SPATA22: variants seen among roughly 807,000 people sequenced by gnomAD.
SPATA22 encodes spermatogenesis associated 22.
SPATA22 carries 29 observed loss-of-function variants against 47.8 expected under a neutral mutation model. The ratio of observed to expected loss-of-function variants is 0.61; its 90% CI spans 0.45 to 0.83. The LOEUF is 0.83. Ranked by LOEUF, SPATA22 falls within the 40% of genes least tolerant of loss-of-function variation. SPATA22 has a pLI of 0.00. For missense variants in SPATA22, 410 were observed against 421.7 expected (o/e 0.97, Z 0.24); for synonymous variants, 133 against 140.9 (o/e 0.94, Z 0.40).
Position 3,485,248 on chromosome 17 carries a change from G to A in SPATA22, c.-73-15850C>T, listed in dbSNP as rs933381751. Among the ~76,000 whole-genome samples, 3 of 152,020 alleles carry A rather than the reference G, an allele frequency of 2.0e-5. No individual in the cohort carries two copies. The highest frequency in any genetic ancestry group is 4.8e-5 in the African/African-American group (2 of 41,390). On this transcript the variant is annotated intron_variant, in intron 1 of 8. Coordinates refer to the SPATA22 transcript ENST00000541913. The surrounding 1 kb of genome is among the most constrained non-coding windows in gnomAD (Gnocchi z 4.4). ...CAGGTCTCAAACTCCTGATTCAAGC[G>A]ATCCTCCCACCTTGGCCTCCCAAAG... is the stretch of plus-strand genomic sequence containing the variant.
At chr17:3,455,135 T>C (rs2072956281) in intron 5 of SPATA22, among the ~76,000 whole-genome samples, 1 of 134,086 alleles carries the variant, frequency 7.5e-6, no homozygotes, top group Non-Finnish European at 1.8e-5. Context: ...TTGCCCACTT[T>C]TTGATGGGGT....
At chr17:3,487,046 G>GTGTGTGTGTGTT (rs2073735480) in intron 1 of SPATA22, among the ~76,000 whole-genome samples, 1 of 147,060 alleles carries the variant, frequency 6.8e-6, no homozygotes, top group Non-Finnish European at 1.5e-5. Flanking sequence ...ATATTTGTGT[G>GTGTGTGTGTGTT]TGTGTGTGTG....
Position 3,464,919 on chromosome 17 carries a change from C to T in SPATA22, c.173-2152G>A, listed in dbSNP as rs541978972. On this transcript the variant is annotated intron_variant, in intron 3 of 8. Coordinates refer to ENST00000572969, the MANE Select transcript of SPATA22 (RefSeq NM_001170698.2). ...GGGGTCAGCCCCCCACCCGGCCAGC[C>T]GCCCGGTCTGGGAGGTGAGGGGCGC... is the stretch of plus-strand genomic sequence containing the variant. Among the ~76,000 whole-genome samples, 318 of 105,668 alleles carry T rather than the reference C, an allele frequency of 3.0e-3. 74 individuals are homozygous for T. The highest frequency in any genetic ancestry group is 0.015 in the Middle Eastern group (3 of 206). The allele number at this position is 105,668 out of a possible 152,430, so 69.3% of individuals were successfully genotyped here. A position where few individuals can be genotyped will look rare whatever the true frequency, so the allele number is the denominator to read the frequency against.
intron 1 of SPATA22, among the ~76,000 whole-genome samples, chr17:3,496,371 C>T (rs2073907335): frequency 6.6e-6 from 1 of 152,104 alleles, no homozygotes; most frequent in African/African-American, 2.4e-5. Flanking sequence ...AATAATATAG[C>T]AGAGGGTATA....
intron 1 of SPATA22, chr17:3,499,608 T>C (rs1461240820): frequency 6.5e-6 from 1 of 152,768 alleles, no homozygotes; most frequent in Non-Finnish European, 1.5e-5. Context: ...ATATCTGCTA[T>C]GGTGATCTGT....
intron 5 of SPATA22, among the ~76,000 whole-genome samples, chr17:3,461,073 G>T (rs2073114971): frequency 6.6e-6 from 1 of 152,142 alleles, no homozygotes; most frequent in African/African-American, 2.4e-5. Flanking sequence ...CATGCCCCAA[G>T]AAAGTATAGA....
chr17:3,486,424 A>G (rs1294541036), intron 1 of SPATA22, among the ~76,000 whole-genome samples: 2 of 152,188 alleles, frequency 1.3e-5, no homozygotes, highest in Admixed American at 6.5e-5. Flanking sequence ...CTCTCTCCAC[A>G]TCCCTCTTAC....
intron 5 of SPATA22, 84 bp from the exon 6 acceptor site, chr17:3,449,233 T>C: frequency 9.9e-7 from 1 of 1,008,468 alleles, no homozygotes; most frequent in Non-Finnish European, 1.4e-6. Flanking sequence ...TTCATTTATA[T>C]GGCAATTTAT....
chr17:3,489,478 A>G (rs1443539605), intron 1 of SPATA22: 7 of 686,334 alleles, frequency 1.0e-5, no homozygotes, highest in East Asian at 2.8e-5. Context: ...CTATTCCCCA[A>G]TGGCCAGGAT....
At chr17:3,512,784 T>C (rs1052008791) in intron 1 of SPATA22, 1 of 151,748 alleles carries the variant, frequency 6.6e-6, no homozygotes, top group Admixed American at 6.6e-5. Context: ...CTCACAAGCT[T>C]CCCCTTCAGC....
chr17:3,452,652 T>C (rs1304283746), intron 5 of SPATA22, among the ~76,000 whole-genome samples: 1 of 151,652 alleles, frequency 6.6e-6, no homozygotes, highest in Admixed American at 6.6e-5. Context: ...CGACAGCCCC[T>C]TACATAGACT....
At chr17:3,460,814 A>AAAAAAAG (rs1555535972) in intron 5 of SPATA22, among the ~76,000 whole-genome samples, 1 of 140,104 alleles carries the variant, frequency 7.1e-6, no homozygotes. Flanking sequence ...AAAAAAAAAA[A>AAAAAAAG]GATTAAAAAT....
chr17:3,443,371 T>A, intron 7 of SPATA22, 100 bp from the exon 8 acceptor site: 1 of 744,880 alleles, frequency 1.3e-6, no homozygotes, highest in Non-Finnish European at 2.2e-6. Context: ...CATATCAACC[T>A]CTCATAGTGC....
chr17:3,476,649 G>T (rs2073528376), upstream of SPATA22, among the ~76,000 whole-genome samples: 1 of 152,122 alleles, frequency 6.6e-6, no homozygotes, highest in African/African-American at 2.4e-5. Flanking sequence ...AATGTATACA[G>T]ACTGAGACAA....
chr17:3,454,694 A>T (rs76994936), intron 5 of SPATA22, among the ~76,000 whole-genome samples: 34,382 of 150,154 alleles, frequency 0.23, 4,200 homozygotes, highest in East Asian at 0.42. Context: ...TAATCCAGTC[A>T]ATCATTGTTG....
rs9896885 is a variant in SPATA22, at chr17:3,499,091, A to G, written c.-74+14321T>C. 2,517 of 1,613,250 alleles carry G rather than the reference A, an allele frequency of 1.6e-3. 31 individuals are homozygous for G. The African/African-American group carries it at 0.031, about 20-fold the overall frequency. ...GTATTCGCTGCTGTTTACATTAGAA[A>G]TCACTTCCAGCTTACATCTTACACG... On this transcript the variant is annotated intron_variant, in intron 1 of 8. Transcript: ENST00000541913.
intron 1 of SPATA22, among the ~76,000 whole-genome samples, chr17:3,505,867 C>T (rs2074036709): frequency 6.6e-6 from 1 of 151,764 alleles, no homozygotes; most frequent in African/African-American, 2.4e-5. Context: ...CAGCGATTCT[C>T]GTGCCTCAGC....
chr17:3,479,333 T>C (rs1013024658), intron 1 of SPATA22, among the ~76,000 whole-genome samples: 3 of 152,188 alleles, frequency 2.0e-5, no homozygotes, highest in Non-Finnish European at 2.9e-5. Flanking sequence ...GGAAGAATGA[T>C]ATAGAACCAA....
chr17:3,494,184 T>C (rs2073872353), intron 1 of SPATA22, among the ~76,000 whole-genome samples: 1 of 152,010 alleles, frequency 6.6e-6, no homozygotes, highest in Non-Finnish European at 1.5e-5. Flanking sequence ...TGGGTATTTT[T>C]AGTGGAGATG....
Sources: gnomAD v4.1 joint callset for allele counts (sites outside exome capture counted in the v4.1 genomes callset) on GRCh38, gnomAD v4.1.1 for gene constraint, Gnocchi (gnomAD v3.1) non-coding constraint, MANE v1.5 for transcripts, NCBI Gene and HGNC (gene_info 2026-07-23, HGNC 2026-07-21) for gene names.